The following GORASP1 variants were observed in gnomAD, a reference collection of about 807,000 sequenced individuals.
GORASP1 encodes golgi reassembly stacking protein 1, also known as Golgi reassembly-stacking protein 1.
GORASP1 carries 31 observed loss-of-function variants against 37.7 expected under a neutral mutation model. The ratio of observed to expected loss-of-function variants is 0.82; its 90% CI spans 0.62 to 1.11. GORASP1 has a LOEUF of 1.11. Among genes scored for constraint, GORASP1 ranks in the 50% least tolerant of loss-of-function variants. The pLI is 0.00. For missense variants in GORASP1, 476 were observed against 560.7 expected, an observed-to-expected ratio of 0.85 and a Z score of 1.53; for synonymous variants, 204 against 224.8, an observed-to-expected ratio of 0.91 and a Z score of 0.83.
chr3:39,103,377 AAGGG>A lies in GORASP1; in HGVS notation c.144+92_144+95del, dbSNP rs2035840591. 9.9e-6 allele frequency: 9 copies of A among 905,012 alleles called. No homozygotes were observed. The highest frequency in any genetic ancestry group is 4.5e-4 in the Middle Eastern group (2 of 4,418). 56.1% of individuals were successfully genotyped at this position (905,012 alleles called of 1,614,324 possible). A position where few individuals can be genotyped will look rare whatever the true frequency, so the allele number is the denominator to read the frequency against. On this transcript the variant is annotated intron_variant, in intron 2 of 8. Transcript: ENST00000319283. This position sits in a 1 kb window ranked among gnomAD's most constrained non-coding sequence, Gnocchi z 5.2. ...AGGGCTGGGACTCCCTTTAGAAAAA[AAGGG>A]AGGGAAGGGTAGACTGGGGCCCCCT...
rs1270199919 is a variant in GORASP1 at position 39,098,282 on chromosome 3, TCCGTCCCA to T, written c.1269_1276del (p.Thr425Ter). The T allele has an allele frequency of 3.7e-6, 6 of 1,614,084 alleles. No homozygotes were observed. Among genetic ancestry groups the T allele is most frequent in the Non-Finnish European group, 5.1e-6 (6 of 1,180,044 alleles). ...GGCCTGGCTGTCCAGCCCCTCAGCC[TCCGTCCCA>T]GTATCTAGGCCCTCTGTGCTTGCTG... On this transcript the variant is annotated frameshift_variant, in exon 9 of 9. Transcript: ENST00000319283. LOFTEE classifies it low-confidence loss of function (END_TRUNC). This position sits in a 1 kb window ranked among gnomAD's most constrained non-coding sequence, Gnocchi z 4.7.
chr3:39,106,764 T>C (rs767768935), intron 1 of GORASP1, among the ~76,000 whole-genome samples: 11 of 151,668 alleles, frequency 7.3e-5, no homozygotes, highest in Non-Finnish European at 1.2e-4. Context: ...TGCGGGACCC[T>C]CTCCTCACCC....
chr3:39,105,031 G>T lies in GORASP1; in HGVS notation c.64-1478C>A, dbSNP rs117103583. ...ACTTCCCTCCCCACTCCCCAGTATT[G>T]CATGTCAGCTGCTCTCCATCATGAA... is the stretch of plus-strand genomic sequence containing the variant. On this transcript the variant is annotated intron_variant, in intron 1 of 8. Coordinates refer to ENST00000319283, the MANE Select transcript of GORASP1 (RefSeq NM_031899.4). This position sits in a 1 kb window ranked among gnomAD's most constrained non-coding sequence, Gnocchi z 5.4. Among the ~76,000 whole-genome samples, 109 of 152,228 alleles carry T rather than the reference G, an allele frequency of 7.2e-4. No individual in the cohort carries two copies. The East Asian group carries it at 0.017, about 24-fold the overall frequency.
In GORASP1 at chr3:39,098,722, G is replaced by A. The variant is rs1271317943; in HGVS notation, c.1069+19C>T. The A allele has an allele frequency of 6.2e-7, 1 of 1,612,114 alleles. No individual in the cohort carries two copies. Among genetic ancestry groups the A allele is most frequent in the African/African-American group, 1.3e-5 (1 of 74,892 alleles). On this transcript the variant is annotated intron_variant, in intron 8 of 8. Transcript: ENST00000319283. This position sits in a 1 kb window ranked among gnomAD's most constrained non-coding sequence, Gnocchi z 4.7. The stretch of plus-strand genomic sequence containing the variant: ...CCGGGGTCCTTCCCAGAGGACTTCG[G>A]AAGGTGATGGCCACTCACCACCCCG...
chr3:39,104,839 C>A (rs765831237), intron 1 of GORASP1, among the ~76,000 whole-genome samples: 11 of 152,218 alleles, frequency 7.2e-5, no homozygotes, highest in Non-Finnish European at 1.2e-4. Flanking sequence ...AGGCAAGCTG[C>A]TCCCAGGCCC....
intron 1 of GORASP1, among the ~76,000 whole-genome samples, chr3:39,106,678 C>T (rs1009172858): frequency 2.0e-5 from 3 of 152,038 alleles, no homozygotes; most frequent in Admixed American, 6.6e-5. Flanking sequence ...CGCAGCGCTC[C>T]GGGGTCAGAG....
Position 39,098,670 on chromosome 3 carries a change from G to A in GORASP1, c.1069+71C>T. The A allele has an allele frequency of 6.4e-7, 1 of 1,568,818 alleles. No individual in the cohort carries two copies. The highest frequency in any genetic ancestry group is 8.7e-7 in the Non-Finnish European group (1 of 1,154,234). ...CGATGGCCCACTTCTGCCCAGCTGA[G>A]GAATTGAGGGCAGCCTTCCCAACAA... is the stretch of plus-strand genomic sequence containing the variant. On this transcript the variant is annotated intron_variant, in intron 8 of 8. Coordinates refer to ENST00000319283, the MANE Select transcript of GORASP1 (RefSeq NM_031899.4). This position sits in a 1 kb window ranked among gnomAD's most constrained non-coding sequence, Gnocchi z 4.7.
intron 1 of GORASP1, among the ~76,000 whole-genome samples, chr3:39,106,697 C>G (rs1192120092): frequency 2.0e-5 from 3 of 152,124 alleles, no homozygotes; most frequent in Non-Finnish European, 2.9e-5. Context: ...AGACCCCCAG[C>G]CCCTCTCACC....
Position 39,098,359 on chromosome 3 carries a change from A to G in GORASP1, c.1200T>C (p.Asp400=). Residue 400 remains aspartate (D), a synonymous_variant, in exon 9 of 9, where the codon GAT becomes GAC. Coordinates refer to ENST00000319283, the MANE Select transcript of GORASP1 (RefSeq NM_031899.4). This position sits in a 1 kb window ranked among gnomAD's most constrained non-coding sequence, Gnocchi z 4.7. ...CTTCAAGCAGCTCGGCGGACAGCCC[A>G]TCTTCTGGTGAGGCTGCAGAGGTGA... ...DSLTSAASPE[D]GLSAELLEAQ... 1 of 1,614,168 alleles carries G rather than the reference A, an allele frequency of 6.2e-7. No individual in the cohort carries two copies. The highest frequency in any genetic ancestry group is 8.5e-7 in the Non-Finnish European group (1 of 1,180,022).
Position 39,098,341 on chromosome 3 carries a change from C to G in GORASP1, c.1218G>C (p.Leu406=). Residue 406 remains leucine, a synonymous_variant, in exon 9 of 9, where the codon CTG becomes CTC. Transcript: ENST00000319283. This position sits in a 1 kb window ranked among gnomAD's most constrained non-coding sequence, Gnocchi z 4.7. ...ASPEDGLSAE[L]LEAQAEEEPA... The stretch of plus-strand genomic sequence containing the variant: ...GTTCCTCCTCAGCCTGAGCTTCAAG[C>G]AGCTCGGCGGACAGCCCATCTTCTG... The G allele has an allele frequency of 6.2e-7, 1 of 1,614,212 alleles. No individual in the cohort carries two copies. Among genetic ancestry groups the G allele is most frequent in the Non-Finnish European group, 8.5e-7 (1 of 1,180,044 alleles).
chr3:39,098,168 G>A lies in GORASP1; in HGVS notation c.*68C>T. 6.4e-7 allele frequency: 1 copy of A among 1,559,030 alleles called. No individual in the cohort carries two copies. Among genetic ancestry groups the A allele is most frequent in the Non-Finnish European group, 8.7e-7 (1 of 1,149,588 alleles). ...CAAGGAATCCTGACCGCATAGTGCA[G>A]CCCGGGCTGCCTGCCCACATCTGGG... On this transcript the variant is annotated 3_prime_UTR_variant, in exon 9 of 9. Coordinates refer to ENST00000319283, the MANE Select transcript of GORASP1 (RefSeq NM_031899.4). The surrounding 1 kb of genome is among the most constrained non-coding windows in gnomAD (Gnocchi z 4.7).
At position 39,100,289 on chromosome 3, in the gene GORASP1, G is replaced by T; in HGVS notation, c.765+16C>A. On this transcript the variant is annotated intron_variant, in intron 6 of 8. Transcript: ENST00000319283. This position sits in a 1 kb window ranked among gnomAD's most constrained non-coding sequence, Gnocchi z 4.6. Reference sequence around the variant, plus strand: ...GAGTTTTCTGTCTTCCCAGTTGGCAGATTCTCCCCACATACCTCCATGTAG... The same window carrying T: ...GAGTTTTCTGTCTTCCCAGTTGGCATATTCTCCCCACATACCTCCATGTAG... 6.2e-7 allele frequency: 1 copy of T among 1,612,194 alleles called. No individual in the cohort carries two copies. The highest frequency in any genetic ancestry group is 8.5e-7 in the Non-Finnish European group (1 of 1,178,314).
Position 39,103,515 on chromosome 3 carries a change from C to T in GORASP1, c.102G>A (p.Glu34=). The change falls in exon 2 of 9, where the codon GAG becomes GAA. Residue 34 remains glutamate, a synonymous_variant. Coordinates refer to ENST00000319283, the MANE Select transcript of GORASP1 (RefSeq NM_031899.4). This position sits in a 1 kb window ranked among gnomAD's most constrained non-coding sequence, Gnocchi z 5.2. ...ENSPAQQAGL[E]PYFDFIITIG... The stretch of plus-strand genomic sequence containing the variant: ...TGGTGATGATGAAGTCAAAGTAGGG[C>T]TCCAGGCCCGCCTGCTGGGCTGGGG... 3 of 1,613,618 alleles carry T rather than the reference C, an allele frequency of 1.9e-6. No homozygotes were observed. The highest frequency in any genetic ancestry group is 2.5e-6 in the Non-Finnish European group (3 of 1,179,902).
chr3:39,101,190 A>T (rs1332478268), intron 3 of GORASP1, 88 bp from the exon 4 acceptor site: 2 of 1,127,562 alleles, frequency 1.8e-6, no homozygotes, highest in African/African-American at 1.5e-5. Context: ...CTCTTGAGGT[A>T]GTGAGTGGGA....
chr3:39,098,304 CTG>C lies in GORASP1; in HGVS notation c.1253_1254del (p.Thr418ArgfsTer10), dbSNP rs2035462216. ...EAQAEEEPASTEGLDTGTEAE... is the reference protein window; with the variant it reads ...EAQAEEEPASXEGLDTGTEAE... ...GCCTCCGTCCCAGTATCTAGGCCCT[CTG>C]TGCTTGCTGGTTCCTCCTCAGCCTG... On this transcript the variant is annotated frameshift_variant, in exon 9 of 9. Transcript: ENST00000319283. LOFTEE classifies it low-confidence loss of function (END_TRUNC). This position sits in a 1 kb window ranked among gnomAD's most constrained non-coding sequence, Gnocchi z 4.7. The C allele has an allele frequency of 1.2e-6, 2 of 1,614,196 alleles. No individual in the cohort carries two copies. The highest frequency in any genetic ancestry group is 1.7e-5 in the Admixed American group (1 of 60,032).
chr3:39,098,937 C>T lies in GORASP1; in HGVS notation c.917-44G>A. On this transcript the variant is annotated intron_variant, in intron 7 of 8. Coordinates refer to ENST00000319283, the MANE Select transcript of GORASP1 (RefSeq NM_031899.4). This position sits in a 1 kb window ranked among gnomAD's most constrained non-coding sequence, Gnocchi z 4.7. ...GTTCTTTGCCAGCAAGAAACCCTGA[C>T]TGCTGGAAAGCAGCACCCTGGGCTC... The T allele has an allele frequency of 6.2e-7, 1 of 1,609,186 alleles. No homozygotes were observed. Among genetic ancestry groups the T allele is most frequent in the Non-Finnish European group, 8.5e-7 (1 of 1,177,546 alleles).
chr3:39,098,325 CAGCCTG>C lies in GORASP1; in HGVS notation c.1228_1233del (p.Gln410_Ala411del), dbSNP rs1559639297. On this transcript the variant is annotated inframe_deletion, in exon 9 of 9. Coordinates refer to ENST00000319283, the MANE Select transcript of GORASP1 (RefSeq NM_031899.4). The surrounding 1 kb of genome is among the most constrained non-coding windows in gnomAD (Gnocchi z 4.7). ...CCCTCTGTGCTTGCTGGTTCCTCCT[CAGCCTG>C]AGCTTCAAGCAGCTCGGCGGACAGC... is the stretch of plus-strand genomic sequence containing the variant. 6.2e-7 allele frequency: 1 copy of C among 1,614,208 alleles called. No individual in the cohort carries two copies. The highest frequency in any genetic ancestry group is 8.5e-7 in the Non-Finnish European group (1 of 1,180,034).
At position 39,096,693 on chromosome 3, in the gene GORASP1, ATT is replaced by A. The variant is rs2035364025; in HGVS notation, c.*1541_*1542del. 1 of 152,188 alleles carries A rather than the reference ATT, an allele frequency of 6.6e-6. No homozygotes were observed. The highest frequency in any genetic ancestry group is 2.4e-5 in the African/African-American group (1 of 41,446). 9.4% of individuals were successfully genotyped at this position (152,188 alleles called of 1,614,324 possible). On this transcript the variant is annotated 3_prime_UTR_variant, in exon 9 of 9. Transcript: ENST00000319283. ...CAAAGTGTAGTACACATTTATTTTCATTTGTTATTTTCTTTCATAGCAGATTA... is the reference window on the plus strand; with the variant it reads ...CAAAGTGTAGTACACATTTATTTTCATGTTATTTTCTTTCATAGCAGATTA...
chr3:39,107,133 G>A, intron 1 of GORASP1: 1 of 506,744 alleles, frequency 2.0e-6, no homozygotes, highest in Non-Finnish European at 3.8e-6. Flanking sequence ...GAGCGTAAAT[G>A]TGTGCTAAGT....
Sources: gnomAD v4.1 joint callset for allele counts (sites outside exome capture counted in the v4.1 genomes callset) on GRCh38, gnomAD v4.1.1 for gene constraint, Gnocchi (gnomAD v3.1) non-coding constraint, MANE v1.5 for transcripts, NCBI Gene and HGNC (gene_info 2026-07-23, HGNC 2026-07-21) for gene names.